The following FGF13 variants were observed in gnomAD, a reference collection of about 807,000 sequenced individuals.
FGF13 encodes fibroblast growth factor homologous factor 2.
FGF13 carries 2 observed loss-of-function variants against 19.5 expected under a neutral mutation model. The observed-to-expected ratio is 0.10, with a 90% CI of 0.04 to 0.32. The LOEUF (loss-of-function observed/expected upper bound fraction) is 0.32. Ranked by LOEUF, FGF13 falls within the 10% of genes least tolerant of loss-of-function variation. The pLI, the probability that FGF13 is intolerant of heterozygous loss-of-function variation, is 1.00. For missense variants in FGF13, 113 were observed against 192.7 expected (o/e 0.59, Z 2.45); for synonymous variants, 72 against 76.9 (o/e 0.94, Z 0.33).
At chrX:138,676,907 T>C (rs960302894) in intron 3 of FGF13, among the ~76,000 whole-genome samples, 12 of 112,408 alleles carry the variant, frequency 1.1e-4, no homozygotes, top group African/African-American at 3.9e-4. Context: ...TTATATTATC[T>C]GAATTATAGA....
chrX:139,118,699 C>G (rs1253578269), intron 1 of FGF13, among the ~76,000 whole-genome samples: 1 of 111,227 alleles, frequency 9.0e-6, no homozygotes, highest in African/African-American at 3.3e-5. Context: ...ACAAACTGGT[C>G]TGTTCATCAC....
chrX:138,935,498 A>C (rs2124265829), intron 1 of FGF13, among the ~76,000 whole-genome samples: 1 of 111,749 alleles, frequency 8.9e-6, no homozygotes, highest in South Asian at 3.8e-4. Flanking sequence ...AAGTTCAAGT[A>C]ATCTCCCCAC....
chrX:138,866,504 G>A (rs764783309), intron 1 of FGF13, among the ~76,000 whole-genome samples: 1 of 111,684 alleles, frequency 9.0e-6, no homozygotes, highest in South Asian at 3.8e-4. Context: ...TGGGCGATGT[G>A]GCAGATTGCA....
intron 1 of FGF13, among the ~76,000 whole-genome samples, chrX:139,172,661 A>T (rs1279783127): frequency 1.8e-5 from 2 of 111,926 alleles, no homozygotes; most frequent in Non-Finnish European, 3.8e-5. Flanking sequence ...TTTAGGTAGT[A>T]TTTCACCAAA....
chrX:138,969,038 AG>A (rs1447644480), intron 1 of FGF13, among the ~76,000 whole-genome samples: 2 of 111,657 alleles, frequency 1.8e-5, no homozygotes, highest in African/African-American at 6.5e-5. Context: ...AAATAAATAC[AG>A]TTGATGAGAG....
rs1287344745 is a variant in FGF13 at position 138,632,147 on chromosome X, C to T, written c.*703G>A. 2.9e-5 allele frequency: 3 copies of T among 103,124 alleles called. No homozygotes were observed. Among genetic ancestry groups the T allele is most frequent in the Non-Finnish European group, 5.9e-5 (3 of 50,439 alleles). The allele number at this position is 103,124 out of a possible 1,213,427, so 8.5% of individuals were successfully genotyped here. ...CAATTTCTACGCACAAAGTACAGCA[C>T]AATAACTTGACCAGAATACCACAAA... On this transcript the variant is annotated 3_prime_UTR_variant, in exon 5 of 5. Coordinates refer to ENST00000315930, the MANE Select transcript of FGF13 (RefSeq NM_004114.5).
intron 1 of FGF13, among the ~76,000 whole-genome samples, chrX:138,725,862 A>G (rs1226972422): frequency 8.9e-6 from 1 of 111,767 alleles, no homozygotes; most frequent in Non-Finnish European, 1.9e-5. Context: ...AGTAAGGACT[A>G]GGCATTATAA....
chrX:138,936,708 C>T (rs777583088), intron 1 of FGF13, among the ~76,000 whole-genome samples: 1 of 111,754 alleles, frequency 8.9e-6, no homozygotes, highest in Non-Finnish European at 1.9e-5. Flanking sequence ...AATTGAGCAC[C>T]TATTATGCAT....
At chrX:139,135,460 T>C (rs768528302) in intron 1 of FGF13, among the ~76,000 whole-genome samples, 13 of 112,151 alleles carry the variant, frequency 1.2e-4, no homozygotes, top group South Asian at 3.7e-4. Flanking sequence ...GATAGAGCAA[T>C]TTGGTGTTGC....
intron 1 of FGF13, among the ~76,000 whole-genome samples, chrX:138,728,847 G>A (rs886666828): frequency 1.8e-5 from 2 of 110,988 alleles, no homozygotes; most frequent in African/African-American, 3.3e-5. Context: ...GCAGAAGTAT[G>A]GCGTTAAGAG....
intron 3 of FGF13, among the ~76,000 whole-genome samples, chrX:138,805,029 T>A (rs1032827871): frequency 8.9e-6 from 1 of 111,846 alleles, no homozygotes; most frequent in Non-Finnish European, 1.9e-5. Context: ...AGGATAAAAC[T>A]ATCTTATAAA....
intron 3 of FGF13, among the ~76,000 whole-genome samples, chrX:138,803,165 C>T (rs1362112854): frequency 8.9e-6 from 1 of 111,960 alleles, no homozygotes; most frequent in African/African-American, 3.3e-5. Flanking sequence ...GTATCTATCT[C>T]TTAATTAGCC....
Position 139,131,382 on chromosome X carries a change from GGTGTGTGTGTGTGTGTGTGTGT to G in FGF13, c.-113+72012_-113+72033del, listed in dbSNP as rs10541863. 8.7e-5 allele frequency among the ~76,000 whole-genome samples: 8 copies of G among 91,447 alleles called. No homozygotes were observed. The East Asian group carries it at 2.2e-3, about 25-fold the overall frequency. 79.4% of individuals were successfully genotyped at this position (91,447 alleles called of 115,157 possible). ...TGTTGTATGGATTAGAATATAGAGGGGTGTGTGTGTGTGTGTGTGTGTGTGTGTGTGTGTGTGTGTGCAAAGG... is the reference window on the plus strand; with the variant it reads ...TGTTGTATGGATTAGAATATAGAGGGGTGTGTGTGTGTGTGTGTGCAAAGG... On this transcript the variant is annotated intron_variant, in intron 1 of 2. Transcript: ENST00000421460.
chrX:138,929,245 G>GTT (rs1311927621), intron 1 of FGF13, among the ~76,000 whole-genome samples: 2 of 108,339 alleles, frequency 1.8e-5, no homozygotes, highest in East Asian at 5.8e-4. Context: ...CTGTGTGTGT[G>GTT]TGTGTGTGTG....
chrX:138,769,592 T>G (rs2090530272), intron 3 of FGF13, among the ~76,000 whole-genome samples: 1 of 112,273 alleles, frequency 8.9e-6, no homozygotes, highest in Admixed American at 9.5e-5. Flanking sequence ...AGTTAGCGCT[T>G]GATACATGTT....
chrX:139,158,287 T>G (rs1319700070), intron 1 of FGF13, among the ~76,000 whole-genome samples: 4 of 106,386 alleles, frequency 3.8e-5, no homozygotes, highest in Non-Finnish European at 7.7e-5. Flanking sequence ...GAAAGGGGGG[T>G]GCAGCCAGGG....
intron 1 of FGF13, among the ~76,000 whole-genome samples, chrX:138,938,780 A>G (rs2091744367): frequency 8.9e-6 from 1 of 112,119 alleles, no homozygotes; most frequent in South Asian, 3.7e-4. Flanking sequence ...TTGCTCCCCA[A>G]GAGATGTTCT....
At chrX:139,046,434 A>T (rs2092287522) in intron 1 of FGF13, among the ~76,000 whole-genome samples, 1 of 111,368 alleles carries the variant, frequency 9.0e-6, no homozygotes. Flanking sequence ...GCAATAAAAA[A>T]GGTCAAAGGC....
intron 1 of FGF13, among the ~76,000 whole-genome samples, chrX:139,041,958 T>G (rs999111090): frequency 8.9e-6 from 1 of 112,078 alleles, no homozygotes; most frequent in Non-Finnish European, 1.9e-5. Context: ...AATACTCAAA[T>G]TATGTATGGT....
Sources: gnomAD v4.1 joint callset for allele counts (sites outside exome capture counted in the v4.1 genomes callset) on GRCh38, gnomAD v4.1.1 for gene constraint, MANE v1.5 for transcripts, NCBI Gene and HGNC (gene_info 2026-07-23, HGNC 2026-07-21) for gene names.